Variants in ADGRG2 observed in about 807,000 individuals in gnomAD.
ADGRG2 encodes G protein-coupled receptor 64.
In ADGRG2, 26 loss-of-function variants were observed where a neutral mutation model predicts 74.1. The ratio of observed to expected loss-of-function variants is 0.35; its 90% CI spans 0.26 to 0.49. The LOEUF is 0.49. Ranked by LOEUF, ADGRG2 falls within the 20% of genes least tolerant of loss-of-function variation. ADGRG2 has a pLI of 0.99. For missense variants in ADGRG2, 619 were observed against 763.1 expected, an observed-to-expected ratio of 0.81 and a Z score of 2.22; for synonymous variants, 296 against 295.2, an observed-to-expected ratio of 1.00 and a Z score of -0.03.
At position 19,102,096 on chromosome X, in the gene ADGRG2, T is replaced by C. The variant is rs189467040; in HGVS notation, c.-46-19350A>G. Among the ~76,000 whole-genome samples the C allele has an allele frequency of 7.7e-4, 82 of 106,805 alleles. No homozygotes were observed. The East Asian group carries it at 8.9e-3, about 12-fold the overall frequency. The allele number at this position is 106,805 out of a possible 115,157, so 92.7% of individuals were successfully genotyped here. On this transcript the variant is annotated intron_variant, in intron 1 of 28. Transcript: ENST00000379869. ...GTATTGCGGTGAAAATATTGCCGGG[T>C]GTGGTGGCTCACACCTGTAATCCCA...
At chrX:19,036,570 G>A (rs1433121810) in intron 6 of ADGRG2, among the ~76,000 whole-genome samples, 1 of 106,509 alleles carries the variant, frequency 9.4e-6, no homozygotes, top group Admixed American at 1.0e-4. Context: ...GATTCTGGAT[G>A]AAATTTTAGG....
chrX:19,037,392 C>A, intron 6 of ADGRG2, 75 bp downstream of exon 6: 1 of 733,206 alleles, frequency 1.4e-6, no homozygotes, highest in Non-Finnish European at 2.0e-6. Context: ...GAAATGGAAA[C>A]CTTCAACACC....
chrX:19,099,040 C>T (rs950996323), intron 1 of ADGRG2, among the ~76,000 whole-genome samples: 1 of 111,649 alleles, frequency 9.0e-6, no homozygotes, highest in African/African-American at 3.3e-5. Context: ...AAAAATTAGC[C>T]AGGCGTGGTA....
At position 19,023,419 on chromosome X, in the gene ADGRG2, T is replaced by C; in HGVS notation, c.545A>G (p.Gln182Arg). 1 of 1,101,502 alleles carries C rather than the reference T, an allele frequency of 9.1e-7. No homozygotes were observed. The highest frequency in any genetic ancestry group is 1.2e-6 in the Non-Finnish European group (1 of 808,264). The allele number at this position is 1,101,502 out of a possible 1,213,427, so 90.8% of individuals were successfully genotyped here. A position where few individuals can be genotyped will look rare whatever the true frequency, so the allele number is the denominator to read the frequency against. The change falls in exon 13 of 29, where the codon CAA (glutamine) becomes CGA (arginine). Residue 182 changes from glutamine to arginine, a missense_variant. This residue lies in a region of ADGRG2 where 292 missense variants were observed against 318.0 expected (regional missense o/e 0.92). Coordinates refer to ENST00000379869, the MANE Select transcript of ADGRG2 (RefSeq NM_001079858.3). ...GAAAGTATTAAAAATGACTGACCTTTGGGCCTCTGCTGTAGCACACATTAT... is the reference window on the plus strand; with the variant it reads ...GAAAGTATTAAAAATGACTGACCTTCGGGCCTCTGCTGTAGCACACATTAT... ...YFIMCATAEA[Q>R]STLNCTFTIK...
chrX:19,038,243 T>A (rs1386041485), intron 4 of ADGRG2, among the ~76,000 whole-genome samples: 1 of 112,494 alleles, frequency 8.9e-6, no homozygotes, highest in Non-Finnish European at 1.9e-5. Flanking sequence ...ATTTAAATAT[T>A]TAAAAGATTC....
In ADGRG2 at chrX:19,094,153, TAGAGTATGGATAGATGGACAC is replaced by T. The variant is rs2062058156; in HGVS notation, c.-46-11428_-46-11408del. Among the ~76,000 whole-genome samples, 4 of 110,522 alleles carry T rather than the reference TAGAGTATGGATAGATGGACAC, an allele frequency of 3.6e-5. No individual in the cohort carries two copies. In the South Asian group the frequency reaches 1.6e-3, roughly 43 times the overall value. On this transcript the variant is annotated intron_variant, in intron 1 of 28. Transcript: ENST00000379869. The stretch of plus-strand genomic sequence containing the variant: ...GATGGATATAGAGTATGGATAGACA[TAGAGTATGGATAGATGGACAC>T]AGAGTATGGATAGATGGACATACAG...
At chrX:19,122,192 G>A (rs2062621189) in intron 1 of ADGRG2, among the ~76,000 whole-genome samples, 1 of 112,618 alleles carries the variant, frequency 8.9e-6, no homozygotes, top group African/African-American at 3.2e-5. Flanking sequence ...CCTTTCCCAC[G>A]GCGCGCGGGC....
At chrX:19,040,059 G>T (rs775900955) in intron 4 of ADGRG2, 130 bp downstream of exon 4, 133 of 487,076 alleles carry the variant, frequency 2.7e-4, no homozygotes, top group Middle Eastern at 8.2e-4. Flanking sequence ...TCAGGTGTAG[G>T]CTTAATGACC....
Position 19,010,773 on chromosome X carries a change from C to T in ADGRG2, c.1105G>A (p.Val369Ile), listed in dbSNP as rs759905968. The T allele has an allele frequency of 8.0e-5, 95 of 1,187,941 alleles. No individual in the cohort carries two copies. The East Asian group carries it at 2.4e-3, about 30-fold the overall frequency. The change falls in exon 17 of 29, where the codon GTC becomes ATC. Residue 369 changes from valine (V) to isoleucine (I), a missense_variant. This residue lies in a region of ADGRG2 where 292 missense variants were observed against 318.0 expected (regional missense o/e 0.92). Transcript: ENST00000379869. ...AGATCAGAAATACTGCTGGTGTTGACGATGTCTATATCAAAGAGCCAAATC... is the reference window on the plus strand; with the variant it reads ...AGATCAGAAATACTGCTGGTGTTGATGATGTCTATATCAAAGAGCCAAATC... ...TSAPPVQTDI[V>I]NTSSISDLEN...
In ADGRG2 at chrX:19,006,248, T is replaced by A; in HGVS notation, c.1707A>T (p.Arg569Ser). ...TTCTGCCCAAGTCCCAAAATACACA[T>A]CTCACTGTTAACTCATCCTGTGGTA... is the stretch of plus-strand genomic sequence containing the variant. ...INPSQDELTV[R>S]CVFWDLGRNG... Residue 569 changes from arginine (R) to serine (S), a missense_variant, in exon 21 of 29, where the codon AGA (arginine) becomes AGT (serine). Around this residue, in one of 3 missense-constraint regions of ADGRG2, gnomAD observed 221 missense variants for 340.6 expected, o/e 0.65. Coordinates refer to ENST00000379869, the MANE Select transcript of ADGRG2 (RefSeq NM_001079858.3). 1 of 1,167,668 alleles carries A rather than the reference T, an allele frequency of 8.6e-7. No homozygotes were observed. Among genetic ancestry groups the A allele is most frequent in the Non-Finnish European group, 1.2e-6 (1 of 857,839 alleles).
At chrX:19,108,144 AAAACAACT>A (rs1457829504) in intron 1 of ADGRG2, among the ~76,000 whole-genome samples, 1 of 109,689 alleles carries the variant, frequency 9.1e-6, no homozygotes, top group Non-Finnish European at 1.9e-5. Flanking sequence ...TTAAAGTGTA[AAAACAACT>A]AATGCTAGAA....
intron 11 of ADGRG2, among the ~76,000 whole-genome samples, chrX:19,025,997 A>T (rs1384851440): frequency 8.9e-6 from 1 of 112,227 alleles, no homozygotes; most frequent in African/African-American, 3.2e-5. Flanking sequence ...AATAGTTAGA[A>T]AAGCTAGATT....
chrX:19,090,072 A>G (rs778491268), intron 1 of ADGRG2, among the ~76,000 whole-genome samples: 4 of 111,331 alleles, frequency 3.6e-5, no homozygotes, highest in Admixed American at 9.6e-5. Flanking sequence ...GGAAGGGCCC[A>G]TTATGTATAA....
At chrX:19,050,407 G>A (rs2061296345) in intron 3 of ADGRG2, among the ~76,000 whole-genome samples, 1 of 111,804 alleles carries the variant, frequency 8.9e-6, no homozygotes, top group South Asian at 3.8e-4. Flanking sequence ...AGAAGTCTGC[G>A]AGCATAGAAC....
At chrX:19,111,447 A>G (rs2062410182) in intron 1 of ADGRG2, among the ~76,000 whole-genome samples, 1 of 111,148 alleles carries the variant, frequency 9.0e-6, no homozygotes, top group Admixed American at 9.7e-5. Flanking sequence ...GAGACTTAGA[A>G]TGAGCTACCA....
At chrX:19,054,252 G>A (rs1264793823) in intron 3 of ADGRG2, among the ~76,000 whole-genome samples, 1 of 111,886 alleles carries the variant, frequency 8.9e-6, no homozygotes, top group Non-Finnish European at 1.9e-5. Context: ...GAAGCAGAGG[G>A]CTTCAGGAAA....
intron 1 of ADGRG2, among the ~76,000 whole-genome samples, chrX:19,096,824 T>C (rs1317810856): frequency 8.9e-6 from 1 of 112,644 alleles, no homozygotes; most frequent in Non-Finnish European, 1.9e-5. Context: ...TTCTTATTTA[T>C]GTCCTAAAAT....
upstream of ADGRG2, chrX:19,122,787 C>G (rs886564338): frequency 2.2e-4 from 24 of 111,587 alleles, no homozygotes; most frequent in African/African-American, 7.8e-4. Context: ...AGCCGGGGGC[C>G]CCGCAGCGCT....
chrX:19,049,689 ATTC>A (rs1321980572), intron 3 of ADGRG2, among the ~76,000 whole-genome samples: 1 of 109,673 alleles, frequency 9.1e-6, no homozygotes, highest in Non-Finnish European at 1.9e-5. Context: ...GCCCAAGACA[ATTC>A]TTCTTATTCT....
Sources: allele counts gnomAD v4.1 joint callset (sites outside exome capture counted in the v4.1 genomes callset), GRCh38; gene constraint gnomAD v4.1.1; regional missense constraint gnomAD v4.1.1; transcripts MANE v1.5; gene names NCBI Gene and HGNC (gene_info 2026-07-23, HGNC 2026-07-21).